Variants in OPRM1 observed in about 807,000 individuals in gnomAD.
OPRM1 encodes the protein opioid receptor mu 1.
OPRM1 carries 27 observed loss-of-function variants against 31.8 expected under a neutral mutation model. That is an observed-to-expected ratio of 0.85 (90% CI 0.63 to 1.17). The LOEUF is 1.17. Ranked by LOEUF, OPRM1 falls within the 50% of genes most tolerant of loss-of-function variation. OPRM1 has a pLI of 0.00. For synonymous variants in OPRM1, 196 were observed against 189.9 expected (o/e 1.03, Z -0.26); for missense variants, 536 against 511.1 (o/e 1.05, Z -0.47).
chr6:154,202,224 C>G (rs1777127546), intron 3 of OPRM1, among the ~76,000 whole-genome samples: 1 of 152,122 alleles, frequency 6.6e-6, no homozygotes, highest in Non-Finnish European at 1.5e-5. Flanking sequence ...CATATCTTCT[C>G]AATAATCATA....
chr6:154,235,019 T>G (rs1027491272), intron 3 of OPRM1, among the ~76,000 whole-genome samples: 2 of 152,138 alleles, frequency 1.3e-5, no homozygotes, highest in Non-Finnish European at 2.9e-5. Context: ...TGCACCAGCA[T>G]AGTCAAAAAA....
intron 1 of OPRM1, among the ~76,000 whole-genome samples, chr6:154,061,606 G>T (rs1034924433): frequency 6.6e-6 from 1 of 152,092 alleles, no homozygotes. Context: ...ACTTATAAGT[G>T]AGAGCTAAAC....
chr6:154,039,162 T>G, upstream of OPRM1: 2 of 1,551,530 alleles, frequency 1.3e-6, no homozygotes, highest in Non-Finnish European at 1.7e-6. Context: ...CTCCTTTAGA[T>G]GTGTTTGCAC....
At chr6:154,070,897 C>G (rs1786564073) in intron 1 of OPRM1, among the ~76,000 whole-genome samples, 1 of 152,192 alleles carries the variant, frequency 6.6e-6, no homozygotes, top group Non-Finnish European at 1.5e-5. Flanking sequence ...TGGTATGACT[C>G]AGGAATCTCT....
At position 154,131,291 on chromosome 6, in the gene OPRM1, T is replaced by A. The variant is rs1168464859; in HGVS notation, c.*12570T>A. On this transcript the variant is annotated 3_prime_UTR_variant, in exon 4 of 4. Transcript: ENST00000330432. ...GTAAATGAGAGCCTCTCATGGTTGA[T>A]TAAGTTCAGACATTTTAAACAGACT... Among the ~76,000 whole-genome samples the A allele has an allele frequency of 6.6e-6, 1 of 152,188 alleles. No homozygotes were observed. The highest frequency in any genetic ancestry group is 2.4e-5 in the African/African-American group (1 of 41,444).
At chr6:154,100,121 C>G (rs1276704112) in intron 3 of OPRM1, among the ~76,000 whole-genome samples, 1 of 79,026 alleles carries the variant, frequency 1.3e-5, no homozygotes, top group Admixed American at 1.5e-4. Flanking sequence ...TATATATTAT[C>G]ATATTATGAC....
intron 3 of OPRM1, among the ~76,000 whole-genome samples, chr6:154,228,062 C>G (rs1036440891): frequency 6.6e-6 from 1 of 152,146 alleles, no homozygotes; most frequent in East Asian, 1.9e-4. Context: ...TCTCTTCCTC[C>G]TCCTTTTCCT....
intron 3 of OPRM1, among the ~76,000 whole-genome samples, chr6:154,222,765 A>C (rs1778966546): frequency 6.6e-6 from 1 of 152,224 alleles, no homozygotes; most frequent in Non-Finnish European, 1.5e-5. Context: ...TGCATCTGAC[A>C]ACTCCATGAA....
intron 1 of OPRM1, among the ~76,000 whole-genome samples, chr6:154,046,446 A>AAAAC (rs890470313): frequency 6.6e-6 from 1 of 152,228 alleles, no homozygotes; most frequent in Non-Finnish European, 1.5e-5. Context: ...AGGGTATAAG[A>AAAAC]AAACAAACAA....
chr6:154,109,788 C>CTGTGTGTGTGTGTGTGTG (rs1462157057), intron 3 of OPRM1, among the ~76,000 whole-genome samples: 3 of 103,836 alleles, frequency 2.9e-5, no homozygotes, highest in African/African-American at 9.9e-5. Flanking sequence ...CTCTCTCTCT[C>CTGTGTGTGTGTGTGTGTG]TCTCTGTGTG....
chr6:154,093,298 G>C (rs1236518760), intron 3 of OPRM1: 1 of 1,613,270 alleles, frequency 6.2e-7, no homozygotes, highest in Admixed American at 1.7e-5. Flanking sequence ...CTGTCTTGCT[G>C]GGCTCTAGAG....
chr6:154,240,203 T>C (rs569639287), intron 3 of OPRM1, among the ~76,000 whole-genome samples: 1 of 152,344 alleles, frequency 6.6e-6, no homozygotes, highest in African/African-American at 2.4e-5. Flanking sequence ...AATTAAGTAA[T>C]GTAATAATTA....
At chr6:154,061,266 T>C (rs1285536716) in intron 1 of OPRM1, among the ~76,000 whole-genome samples, 1 of 152,142 alleles carries the variant, frequency 6.6e-6, no homozygotes, top group African/African-American at 2.4e-5. Flanking sequence ...AAATTTGGAA[T>C]AATTGCAACA....
intron 3 of OPRM1, among the ~76,000 whole-genome samples, chr6:154,152,332 AAAG>A (rs1462768362): frequency 0.011 from 210 of 18,364 alleles, 3 homozygotes; most frequent in East Asian, 0.035. Flanking sequence ...AGAAAGAAAG[AAAG>A]AAAGAAAGAA....
intron 3 of OPRM1, among the ~76,000 whole-genome samples, chr6:154,152,296 G>GAAGAAAGA (rs1165338713): frequency 4.8e-4 from 46 of 96,602 alleles, no homozygotes; most frequent in African/African-American, 1.3e-3. Context: ...AAGGAAGAGA[G>GAAGAAAGA]AAGAAAGAAA....
intron 3 of OPRM1, among the ~76,000 whole-genome samples, chr6:154,150,836 AAGATT>A (rs148014507): frequency 0.11 from 16,854 of 152,300 alleles, 1,225 homozygotes; most frequent in Middle Eastern, 0.25. Flanking sequence ...CGGACCACAG[AAGATT>A]AGTATTAATC....
intron 3 of OPRM1, among the ~76,000 whole-genome samples, chr6:154,163,972 G>C (rs913220952): frequency 1.3e-5 from 2 of 152,148 alleles, no homozygotes; most frequent in Non-Finnish European, 2.9e-5. Context: ...AGGGCCAAAA[G>C]AGCATATTTC....
rs77353698 is a variant in OPRM1, at chr6:154,118,125, A to C, written c.1165-558A>C. Among the ~76,000 whole-genome samples the C allele has an allele frequency of 3.5e-3, 530 of 152,254 alleles. 3 individuals are homozygous for C. The highest frequency in any genetic ancestry group is 0.011 in the African/African-American group (467 of 41,550). The stretch of plus-strand genomic sequence containing the variant: ...CCTGAAAATAGCAGGCCACATTTCC[A>C]TGTGTCTGAGCAAATGTTATTGTTC... On this transcript the variant is annotated intron_variant, in intron 3 of 3. Coordinates refer to ENST00000330432, the MANE Select transcript of OPRM1 (RefSeq NM_000914.5).
chr6:154,034,528 A>T (rs1463435225), upstream of OPRM1, among the ~76,000 whole-genome samples: 1 of 152,190 alleles, frequency 6.6e-6, no homozygotes, highest in Non-Finnish European at 1.5e-5. Context: ...AGCCTGGGCG[A>T]CAGAGTGAGA....
Sources: gnomAD v4.1 joint callset for allele counts (sites outside exome capture counted in the v4.1 genomes callset) on GRCh38, gnomAD v4.1.1 for gene constraint, MANE v1.5 for transcripts, NCBI Gene and HGNC (gene_info 2026-07-23, HGNC 2026-07-21) for gene names.